The following TBC1D14 variants were observed in gnomAD, a reference collection of about 807,000 sequenced individuals.
TBC1D14 encodes TBC1 domain family, member 14.
Under a neutral mutation model 79.0 loss-of-function variants are expected in TBC1D14, and 26 were observed. The observed-to-expected ratio is 0.33, with a 90% confidence interval of 0.24 to 0.46. The LOEUF is 0.46. Ranked by LOEUF, TBC1D14 falls within the 20% of genes least tolerant of loss-of-function variation. The pLI, the probability that TBC1D14 is intolerant of heterozygous loss-of-function variation, is 1.00. For missense variants in TBC1D14, 769 were observed against 887.6 expected (o/e 0.87, Z 1.70); for synonymous variants, 394 against 349.9 (o/e 1.13, Z -1.40).
intron 2 of TBC1D14, among the ~76,000 whole-genome samples, chr4:6,934,244 G>A (rs1712078003): frequency 6.6e-6 from 1 of 151,984 alleles, no homozygotes; most frequent in Admixed American, 6.6e-5. Flanking sequence ...AGGAGATCTG[G>A]GAGGAGAGGA....
chr4:6,926,748 A>G (rs1004075745), intron 2 of TBC1D14, among the ~76,000 whole-genome samples: 1 of 152,168 alleles, frequency 6.6e-6, no homozygotes, highest in African/African-American at 2.4e-5. Flanking sequence ...CAGGTGAGTA[A>G]ATGGAGTTAC....
At chr4:6,978,104 C>T (rs573641038) in intron 3 of TBC1D14, among the ~76,000 whole-genome samples, 301 of 150,216 alleles carry the variant, frequency 2.0e-3, no homozygotes, top group South Asian at 4.9e-3. Context: ...GCCGCCCCAT[C>T]CGGGAGGGAG....
intron 3 of TBC1D14, among the ~76,000 whole-genome samples, chr4:6,981,653 A>G (rs948735188): frequency 6.6e-6 from 1 of 152,268 alleles, no homozygotes; most frequent in African/African-American, 2.4e-5. Context: ...TGAATCCCAT[A>G]ATACATTAAA....
chr4:6,927,648 C>T (rs749273604), intron 2 of TBC1D14, among the ~76,000 whole-genome samples: 9 of 152,180 alleles, frequency 5.9e-5, no homozygotes, highest in Non-Finnish European at 1.0e-4. Flanking sequence ...GGGGTAGATG[C>T]GTCTTTGTTG....
rs1288033198 is a variant in TBC1D14, at chr4:7,006,824, G to A, written c.1446+98G>A. The A allele has an allele frequency of 5.5e-6, 6 of 1,083,008 alleles. No individual in the cohort carries two copies. The East Asian group carries it at 1.0e-4, about 18-fold the overall frequency. The allele number at this position is 1,083,008 out of a possible 1,614,324, so 67.1% of individuals were successfully genotyped here. On this transcript the variant is annotated intron_variant, in intron 9 of 13. Coordinates refer to ENST00000409757, the MANE Select transcript of TBC1D14 (RefSeq NM_020773.3). Reference sequence around the variant, plus strand: ...GTTGTCAAGTTTGAAAGGTACTTGGGTTTTTGGGGGTGTTAGGAGGTAGGG... The same window carrying A: ...GTTGTCAAGTTTGAAAGGTACTTGGATTTTTGGGGGTGTTAGGAGGTAGGG...
At chr4:6,970,979 G>T (rs1052889279) in intron 3 of TBC1D14, among the ~76,000 whole-genome samples, 1 of 147,626 alleles carries the variant, frequency 6.8e-6, no homozygotes, top group Non-Finnish European at 1.5e-5. Flanking sequence ...GTTGAACTGG[G>T]GTCAGGTGTT....
chr4:7,031,051 A>C lies in TBC1D14; in HGVS notation c.*659A>C, dbSNP rs1415178797. 6.6e-6 allele frequency: 1 copy of C among 152,422 alleles called. No individual in the cohort carries two copies. Among genetic ancestry groups the C allele is most frequent in the Non-Finnish European group, 1.5e-5 (1 of 68,198 alleles). 9.4% of individuals were successfully genotyped at this position (152,422 alleles called of 1,614,324 possible). On this transcript the variant is annotated 3_prime_UTR_variant, in exon 14 of 14. Transcript: ENST00000409757. The stretch of plus-strand genomic sequence containing the variant: ...AGGTGCACACGTGGGCTCCAGTGGG[A>C]CTGCGCTCTGGGAGACTGCTCCCTG...
At chr4:6,947,005 A>G (rs1298351260) in intron 2 of TBC1D14, among the ~76,000 whole-genome samples, 1 of 152,176 alleles carries the variant, frequency 6.6e-6, no homozygotes, top group Non-Finnish European at 1.5e-5. Context: ...TATTTTTCTT[A>G]GTACTGTTTT....
intron 13 of TBC1D14, among the ~76,000 whole-genome samples, chr4:7,027,713 CCACACACAAT>C (rs1219313146): frequency 1.8e-5 from 2 of 111,046 alleles, no homozygotes; most frequent in Non-Finnish European, 3.7e-5. Context: ...CATCACACAA[CCACACACAAT>C]CACCCCCCAC....
chr4:7,020,913 A>G (rs1236118743), intron 12 of TBC1D14, among the ~76,000 whole-genome samples: 1 of 152,166 alleles, frequency 6.6e-6, no homozygotes, highest in African/African-American at 2.4e-5. Context: ...GGAAAAGACG[A>G]TTGTACCTCC....
chr4:6,961,981 C>T (rs1427883917), intron 2 of TBC1D14, among the ~76,000 whole-genome samples: 1 of 152,224 alleles, frequency 6.6e-6, no homozygotes, highest in African/African-American at 2.4e-5. Flanking sequence ...AAGCGTCTCG[C>T]TCTGGCCTCC....
chr4:6,996,555 ATGCGG>A, intron 5 of TBC1D14, 148 bp downstream of exon 5: 2 of 643,190 alleles, frequency 3.1e-6, no homozygotes, highest in Non-Finnish European at 5.3e-6. Flanking sequence ...AAAAAGATGC[ATGCGG>A]AAAGCCCCCA....
chr4:6,980,233 A>G (rs971601713), intron 3 of TBC1D14, among the ~76,000 whole-genome samples: 2 of 152,218 alleles, frequency 1.3e-5, no homozygotes, highest in African/African-American at 2.4e-5. Context: ...AGACTAGAAA[A>G]CAGTGACAGA....
At chr4:6,984,184 T>A (rs1416465309) in intron 3 of TBC1D14, among the ~76,000 whole-genome samples, 1 of 152,186 alleles carries the variant, frequency 6.6e-6, no homozygotes, top group African/African-American at 2.4e-5. Flanking sequence ...CTTGGTTCTG[T>A]CATTTACAGT....
At chr4:6,972,307 C>T (rs971030692) in intron 3 of TBC1D14, among the ~76,000 whole-genome samples, 13 of 152,154 alleles carry the variant, frequency 8.5e-5, no homozygotes, top group African/African-American at 2.4e-4. Flanking sequence ...TGAAGAATTG[C>T]GGTGATAAGC....
At chr4:7,017,244 G>C (rs1272927605) in intron 12 of TBC1D14, among the ~76,000 whole-genome samples, 1 of 150,850 alleles carries the variant, frequency 6.6e-6, no homozygotes, top group Admixed American at 6.6e-5. Flanking sequence ...AGGTTGCAGT[G>C]AGCCGAGATC....
intron 2 of TBC1D14, among the ~76,000 whole-genome samples, chr4:6,927,689 C>G (rs1452755479): frequency 6.6e-6 from 1 of 152,112 alleles, no homozygotes. Flanking sequence ...TGGAGGATGC[C>G]TTACAGCTTC....
chr4:6,987,064 A>C (rs1043837674), intron 3 of TBC1D14: 6 of 687,090 alleles, frequency 8.7e-6, no homozygotes, highest in Non-Finnish European at 1.1e-5. Context: ...GGGCCGTACC[A>C]CGGGGACGCC....
At chr4:7,013,610 A>G (rs926689747) in intron 11 of TBC1D14, among the ~76,000 whole-genome samples, 13 of 152,000 alleles carry the variant, frequency 8.6e-5, no homozygotes, top group African/African-American at 2.7e-4. Flanking sequence ...CTTTCCCTGT[A>G]GTGTTTCCCC....
Sources: allele counts gnomAD v4.1 joint callset (sites outside exome capture counted in the v4.1 genomes callset), GRCh38; gene constraint gnomAD v4.1.1; transcripts MANE v1.5; gene names NCBI Gene and HGNC (gene_info 2026-07-23, HGNC 2026-07-21).